The following TENM3 variants were observed in gnomAD, a reference collection of about 807,000 sequenced individuals.
TENM3 encodes the protein teneurin transmembrane protein 3.
In TENM3, 63 loss-of-function variants were observed where a neutral mutation model predicts 255.1. The ratio of observed to expected loss-of-function variants is 0.25; its 90% CI spans 0.20 to 0.30. The LOEUF is 0.30. Ranked by LOEUF, TENM3 falls within the 10% of genes least tolerant of loss-of-function variation. The pLI is 1.00. For synonymous variants in TENM3, 1,306 were observed against 1,322.3 expected, an observed-to-expected ratio of 0.99 and a Z score of 0.27; for missense variants, 2,929 against 3,461.1, an observed-to-expected ratio of 0.85 and a Z score of 3.86.
At chr4:181,940,453 T>A in the TENM3 span, among the ~76,000 whole-genome samples, 1 of 152,104 alleles carries the variant, frequency 6.6e-6, no homozygotes, top group Non-Finnish European at 1.5e-5. Context: ...GAAAAAAAAG[T>A]TCCAGTCCGG....
chr4:181,527,890 A>G, the TENM3 span, among the ~76,000 whole-genome samples: 1 of 151,972 alleles, frequency 6.6e-6, no homozygotes, highest in East Asian at 1.9e-4. Context: ...TCTTTCATTT[A>G]AACTTATACT....
At chr4:181,956,774 A>G in the TENM3 span, among the ~76,000 whole-genome samples, 1 of 152,198 alleles carries the variant, frequency 6.6e-6, no homozygotes, top group African/African-American at 2.4e-5. Context: ...TAGATTTCAG[A>G]TGCTATAGGC....
At chr4:181,900,872 G>A in the TENM3 span, among the ~76,000 whole-genome samples, 1 of 152,130 alleles carries the variant, frequency 6.6e-6, no homozygotes, top group African/African-American at 2.4e-5. Flanking sequence ...TCTCTCAAGT[G>A]GCAAATCAGT....
chr4:182,743,906 T>C (rs949173555), intron 19 of TENM3, among the ~76,000 whole-genome samples: 1 of 152,136 alleles, frequency 6.6e-6, no homozygotes, highest in African/African-American at 2.4e-5. Context: ...AAGTAACATA[T>C]TGTCTTTGCT....
the TENM3 span, among the ~76,000 whole-genome samples, chr4:181,739,886 A>G: frequency 1.3e-5 from 2 of 152,236 alleles, no homozygotes; most frequent in African/African-American, 4.8e-5. Flanking sequence ...CAAAAGTTGC[A>G]AGCCAATTAC....
chr4:182,449,007 A>T (rs781097886), intron 3 of TENM3: 1 of 399,876 alleles, frequency 2.5e-6, no homozygotes, highest in Non-Finnish European at 5.0e-6. Flanking sequence ...CTGTAACACG[A>T]TACGCTCCAG....
At chr4:182,041,111 A>G in the TENM3 span, among the ~76,000 whole-genome samples, 1 of 152,164 alleles carries the variant, frequency 6.6e-6, no homozygotes, top group Non-Finnish European at 1.5e-5. Flanking sequence ...GGGCTCCAGG[A>G]GCACAGCGTA....
intron 1 of TENM3, among the ~76,000 whole-genome samples, chr4:182,290,355 G>C (rs1409969312): frequency 6.6e-6 from 1 of 152,196 alleles, no homozygotes; most frequent in African/African-American, 2.4e-5. Context: ...AAACTGAGCA[G>C]TTGCTTGTAT....
chr4:181,889,845 C>A, the TENM3 span, among the ~76,000 whole-genome samples: 1 of 152,004 alleles, frequency 6.6e-6, no homozygotes, highest in Admixed American at 6.6e-5. Context: ...TTTTATTTTT[C>A]TTCTTCATTA....
At chr4:181,967,214 T>C in the TENM3 span, among the ~76,000 whole-genome samples, 1 of 152,112 alleles carries the variant, frequency 6.6e-6, no homozygotes, top group Non-Finnish European at 1.5e-5. Context: ...TTGAGATACA[T>C]GGGGCGCAGG....
intron 1 of TENM3, among the ~76,000 whole-genome samples, chr4:182,249,182 G>A (rs139515932): frequency 2.0e-5 from 3 of 152,324 alleles, no homozygotes; most frequent in African/African-American, 7.2e-5. Flanking sequence ...CTGTGGAAAT[G>A]GGAGTCATGT....
chr4:181,653,009 A>G, the TENM3 span, among the ~76,000 whole-genome samples: 2 of 152,346 alleles, frequency 1.3e-5, no homozygotes, highest in Non-Finnish European at 1.5e-5. Context: ...ATGATTTAGC[A>G]TACAGCACAA....
the TENM3 span, among the ~76,000 whole-genome samples, chr4:181,901,353 A>C: frequency 6.6e-6 from 1 of 152,134 alleles, no homozygotes; most frequent in East Asian, 1.9e-4. Context: ...CAAGGGAAAA[A>C]CCCAACCAAA....
chr4:182,320,642 G>A (rs1189979822), intron 1 of TENM3, among the ~76,000 whole-genome samples: 2 of 152,158 alleles, frequency 1.3e-5, no homozygotes, highest in East Asian at 3.9e-4. Flanking sequence ...GATCACAGTC[G>A]CAGATACTGG....
At chr4:181,812,813 A>G in the TENM3 span, among the ~76,000 whole-genome samples, 2 of 152,142 alleles carry the variant, frequency 1.3e-5, no homozygotes, top group African/African-American at 4.8e-5. Context: ...ACAGTATACA[A>G]ATGACTGAAA....
intron 16 of TENM3, among the ~76,000 whole-genome samples, chr4:182,736,094 C>T (rs1761138945): frequency 6.6e-6 from 1 of 152,062 alleles, no homozygotes; most frequent in African/African-American, 2.4e-5. Flanking sequence ...GCTAATTTAC[C>T]ATCATATCAA....
the TENM3 span, among the ~76,000 whole-genome samples, chr4:181,799,872 C>T: frequency 6.6e-6 from 1 of 152,194 alleles, no homozygotes; most frequent in Non-Finnish European, 1.5e-5. Flanking sequence ...AAGTCGGAAG[C>T]AGCCTGTCTA....
At chr4:182,041,529 C>T in the TENM3 span, among the ~76,000 whole-genome samples, 35,539 of 152,046 alleles carry the variant, frequency 0.23, 4,603 homozygotes, top group African/African-American at 0.36. Context: ...TTCTGTATAA[C>T]TGTAATAAAT....
At chr4:181,823,725 T>C in the TENM3 span, among the ~76,000 whole-genome samples, 6 of 152,204 alleles carry the variant, frequency 3.9e-5, no homozygotes, top group East Asian at 1.2e-3. Context: ...TAAAGCATTC[T>C]TACTATAAGT....
Sources: gnomAD v4.1 joint callset for allele counts (sites outside exome capture counted in the v4.1 genomes callset) on GRCh38, gnomAD v4.1.1 for gene constraint, MANE v1.5 for transcripts, NCBI Gene and HGNC (gene_info 2026-07-23, HGNC 2026-07-21) for gene names.